Variants in TBC1D14 observed in about 807,000 individuals in gnomAD.
TBC1D14 encodes the protein TBC1 domain family member 14.
TBC1D14 carries 26 observed loss-of-function variants against 79.0 expected under a neutral mutation model. That is an observed-to-expected ratio of 0.33 (90% CI 0.24 to 0.46). The LOEUF (loss-of-function observed/expected upper bound fraction) is 0.46, where lower values mean the gene tolerates loss of function less well. Ranked by LOEUF, TBC1D14 falls within the 20% of genes least tolerant of loss-of-function variation. The pLI, the probability that TBC1D14 is intolerant of heterozygous loss-of-function variation, is 1.00. For missense variants in TBC1D14, 769 were observed against 887.6 expected (o/e 0.87, Z 1.70); for synonymous variants, 394 against 349.9 (o/e 1.13, Z -1.40).
rs550223285 is a variant in TBC1D14, at chr4:7,025,106, G to A, written c.1860G>A (p.Leu620=). The stretch of plus-strand genomic sequence containing the variant: ...AAGAGTTCCTGTTCCGCACGGCCCT[G>A]GGCATCCTGAAGCTGTTCGAGGACA... ...DGEEFLFRTA[L]GILKLFEDIL... Residue 620 remains leucine (L), a synonymous_variant, in exon 13 of 14, where the codon CTG becomes CTA. Transcript: ENST00000409757. The A allele has an allele frequency of 1.2e-6, 2 of 1,614,200 alleles. No individual in the cohort carries two copies. Among genetic ancestry groups the A allele is most frequent in the South Asian group, 1.1e-5 (1 of 91,078 alleles).
At chr4:6,998,096 C>T (rs371826073) in intron 5 of TBC1D14, among the ~76,000 whole-genome samples, 1 of 152,178 alleles carries the variant, frequency 6.6e-6, no homozygotes, top group East Asian at 1.9e-4. Flanking sequence ...CAAGGCTGGG[C>T]ATGGTGGCTC....
Position 6,999,136 on chromosome 4 carries a change from T to C in TBC1D14, c.1097T>C (p.Val366Ala), listed in dbSNP as rs780667334. Residue 366 changes from valine to alanine, a missense_variant, in exon 6 of 14, where the codon GTC becomes GCC. Physicochemically the swap from Val to Ala is moderately conservative, Grantham distance 64 (BLOSUM62 0). This residue lies in a region of TBC1D14 where 367 missense variants were observed against 494.4 expected (regional missense o/e 0.74). Transcript: ENST00000409757. ...AAGCAGCTGGAAGAAAGATGCAGAG[T>C]CGAGGAAAGCATTGGAAACGCTGTG... Reference protein sequence around the residue: ...RKKQLEERCRVEESIGNAVLT... With the variant: ...RKKQLEERCRAEESIGNAVLT... The C allele has an allele frequency of 6.2e-7, 1 of 1,613,976 alleles. No homozygotes were observed. The highest frequency in any genetic ancestry group is 2.2e-5 in the East Asian group (1 of 44,882).
intron 2 of TBC1D14, among the ~76,000 whole-genome samples, chr4:6,963,296 C>T (rs1256315660): frequency 6.6e-6 from 1 of 152,220 alleles, no homozygotes; most frequent in African/African-American, 2.4e-5. Flanking sequence ...ATTGTGTGCT[C>T]AGCATCTGAA....
chr4:6,952,593 AAGTAAAAT>A (rs1714142739), intron 2 of TBC1D14, among the ~76,000 whole-genome samples: 1 of 152,230 alleles, frequency 6.6e-6, no homozygotes, highest in Non-Finnish European at 1.5e-5. Context: ...TATGAAATAA[AAGTAAAAT>A]TCCCTTTTCT....
At chr4:7,001,063 T>TG in intron 6 of TBC1D14, 82 bp from the exon 7 acceptor site, 1 of 1,118,786 alleles carries the variant, frequency 8.9e-7, no homozygotes, top group Non-Finnish European at 1.3e-6. Flanking sequence ...TCCCAGCTCT[T>TG]GGTGGTTCGG....
chr4:7,022,170 C>T (rs1721898358), intron 12 of TBC1D14, among the ~76,000 whole-genome samples: 1 of 152,248 alleles, frequency 6.6e-6, no homozygotes, highest in African/African-American at 2.4e-5. Context: ...GGGGTCTCTG[C>T]CCTTGAGGCA....
intron 7 of TBC1D14, among the ~76,000 whole-genome samples, chr4:7,002,494 C>T (rs1051884867): frequency 3.3e-5 from 5 of 152,108 alleles, no homozygotes; most frequent in Non-Finnish European, 7.3e-5. Context: ...TGGGCTAAAC[C>T]GCTGACGAGT....
chr4:6,925,166 G>A (rs1051789808), intron 2 of TBC1D14, among the ~76,000 whole-genome samples: 12 of 152,146 alleles, frequency 7.9e-5, no homozygotes, highest in Admixed American at 5.9e-4. Flanking sequence ...GGTGGTGCAC[G>A]CCTGTATTCC....
chr4:6,930,587 C>T (rs1325481488), intron 2 of TBC1D14, among the ~76,000 whole-genome samples: 1 of 152,192 alleles, frequency 6.6e-6, no homozygotes, highest in South Asian at 2.1e-4. Flanking sequence ...CACTTGAGGT[C>T]GGGAGTTGGA....
chr4:6,936,607 G>T (rs1231864410), intron 2 of TBC1D14, among the ~76,000 whole-genome samples: 3 of 152,168 alleles, frequency 2.0e-5, no homozygotes, highest in Non-Finnish European at 2.9e-5. Context: ...GAAGATTTTT[G>T]TGTGGACATA....
At chr4:6,927,649 G>A (rs1165475713) in intron 2 of TBC1D14, among the ~76,000 whole-genome samples, 3 of 152,198 alleles carry the variant, frequency 2.0e-5, no homozygotes, top group South Asian at 4.1e-4. Context: ...GGGTAGATGC[G>A]TCTTTGTTGT....
intron 2 of TBC1D14, among the ~76,000 whole-genome samples, chr4:6,955,964 C>T (rs1714595220): frequency 6.6e-6 from 1 of 152,082 alleles, no homozygotes; most frequent in African/African-American, 2.4e-5. Flanking sequence ...AATAATAATT[C>T]TCATGTAATC....
chr4:7,013,162 T>C (rs4689574), intron 11 of TBC1D14, among the ~76,000 whole-genome samples: 147,259 of 152,252 alleles, frequency 0.97, 71,253 homozygotes, highest in East Asian at 1. Flanking sequence ...ATTTTCTCCC[T>C]GGCAGCCCCG....
chr4:7,010,332 A>G (rs565460256), intron 10 of TBC1D14, among the ~76,000 whole-genome samples: 3 of 152,166 alleles, frequency 2.0e-5, no homozygotes, highest in Non-Finnish European at 4.4e-5. Flanking sequence ...GAGATAGATA[A>G]CACAAGTCTA....
intron 3 of TBC1D14, among the ~76,000 whole-genome samples, chr4:6,990,702 G>T (rs902829116): frequency 2.0e-5 from 3 of 152,154 alleles, no homozygotes; most frequent in African/African-American, 7.2e-5. Flanking sequence ...GAGGGAGTGA[G>T]TGCCCAGCCA....
chr4:6,994,493 G>A (rs1054359623), intron 4 of TBC1D14, among the ~76,000 whole-genome samples, 191 bp downstream of exon 4: 2 of 152,186 alleles, frequency 1.3e-5, no homozygotes, highest in Non-Finnish European at 2.9e-5. Flanking sequence ...CTGTCCTATA[G>A]CATAGAAGTT....
chr4:6,964,347 T>TTACA (rs1220154434), intron 2 of TBC1D14, among the ~76,000 whole-genome samples: 3 of 152,276 alleles, frequency 2.0e-5, no homozygotes, highest in African/African-American at 7.2e-5. Context: ...CGTCCATTCC[T>TTACA]TACACCCTCT....
chr4:7,028,177 TACAC>T lies in TBC1D14; in HGVS notation c.2017-2147_2017-2144del, dbSNP rs546701779. Among the ~76,000 whole-genome samples the T allele has an allele frequency of 2.9e-3, 447 of 151,686 alleles. 1 individual carries two copies. The highest frequency in any genetic ancestry group is 9.6e-3 in the African/African-American group (398 of 41,324). On this transcript the variant is annotated intron_variant, in intron 13 of 13. Transcript: ENST00000409757. ...CACACCCACACACCTCACATGCACATACACACCCACGTACAGGTGCAGGTCAGTC... is the reference window on the plus strand; with the variant it reads ...CACACCCACACACCTCACATGCACATACCCACGTACAGGTGCAGGTCAGTC...
chr4:7,022,338 A>G (rs918469119), intron 12 of TBC1D14, among the ~76,000 whole-genome samples: 5 of 152,214 alleles, frequency 3.3e-5, no homozygotes, highest in Non-Finnish European at 7.3e-5. Context: ...GGCCCAAAAG[A>G]TGCAGGATGG....
Sources: allele counts gnomAD v4.1 joint callset (sites outside exome capture counted in the v4.1 genomes callset), GRCh38; gene constraint gnomAD v4.1.1; regional missense constraint gnomAD v4.1.1; transcripts MANE v1.5; gene names NCBI Gene and HGNC (gene_info 2026-07-23, HGNC 2026-07-21).